SLC16A12: variants seen among roughly 807,000 people sequenced by gnomAD.
SLC16A12 encodes the protein solute carrier family 16 member 12.
SLC16A12 carries 17 observed loss-of-function variants against 42.4 expected under a neutral mutation model. The observed-to-expected ratio is 0.40, with a 90% CI of 0.27 to 0.60. The LOEUF (loss-of-function observed/expected upper bound fraction) is 0.60. SLC16A12 is among the 20% of genes least tolerant of loss of function. The pLI is 0.42. For missense variants in SLC16A12, 544 were observed against 623.0 expected, an observed-to-expected ratio of 0.87 and a Z score of 1.35; for synonymous variants, 224 against 229.4, an observed-to-expected ratio of 0.98 and a Z score of 0.21.
chr10:89,499,355 G>C (rs1842964069), intron 2 of SLC16A12, among the ~76,000 whole-genome samples: 1 of 152,174 alleles, frequency 6.6e-6, no homozygotes, highest in Admixed American at 6.5e-5. Flanking sequence ...AGGAGTTCAA[G>C]ACCAGCCTGA....
At chr10:89,478,949 T>C (rs1203232746) in intron 2 of SLC16A12, among the ~76,000 whole-genome samples, 2 of 152,238 alleles carry the variant, frequency 1.3e-5, no homozygotes, top group East Asian at 3.8e-4. Flanking sequence ...CCCTCCCATC[T>C]TAATTTTCCA....
At chr10:89,542,172 G>A (rs1843719259) in intron 2 of SLC16A12, among the ~76,000 whole-genome samples, 1 of 152,028 alleles carries the variant, frequency 6.6e-6, no homozygotes, top group African/African-American at 2.4e-5. Context: ...AAGATCACAG[G>A]TAGAAGACTA....
intron 3 of SLC16A12, among the ~76,000 whole-genome samples, chr10:89,460,482 T>G (rs187750136): frequency 6.6e-6 from 1 of 151,528 alleles, no homozygotes; most frequent in Non-Finnish European, 1.5e-5. Flanking sequence ...CCCAGCACTT[T>G]GGAGGCTGAG....
chr10:89,435,913 G>A (rs1389521121), intron 7 of SLC16A12, 147 bp downstream of exon 7: 1 of 1,130,848 alleles, frequency 8.8e-7, no homozygotes, highest in Non-Finnish European at 1.3e-6. Context: ...GGACCATGAT[G>A]GTTTTGGGGG....
At chr10:89,553,873 G>A (rs1395296843) in intron 2 of SLC16A12, among the ~76,000 whole-genome samples, 2 of 151,710 alleles carry the variant, frequency 1.3e-5, no homozygotes, top group East Asian at 1.9e-4. Context: ...GCAGGTGCCT[G>A]TAATCGCAGC....
Position 89,462,460 on chromosome 10 carries a change from G to A in SLC16A12, c.119C>T (p.Thr40Ile), listed in dbSNP as rs1482634395. The A allele has an allele frequency of 2.5e-6, 4 of 1,613,912 alleles. No individual in the cohort carries two copies. In the African/African-American group the frequency reaches 5.3e-5, roughly 22 times the overall value. ...GCCCCAGCCTCCATCTGGAGGGGAG[G>A]TAGACCGAGCTCTATTTACTTTTGC... ...TMAKVNRARSTSPPDGGWGWM... is the reference protein window; with the variant it reads ...TMAKVNRARSISPPDGGWGWM... Residue 40 changes from threonine (T) to isoleucine (I), a missense_variant, in exon 3 of 8, where the codon ACC (threonine) becomes ATC (isoleucine). Transcript: ENST00000371790.
intron 7 of SLC16A12, among the ~76,000 whole-genome samples, chr10:89,433,804 A>C (rs1163733146): frequency 6.6e-6 from 1 of 152,246 alleles, no homozygotes; most frequent in Non-Finnish European, 1.5e-5. Context: ...TACTCTATCC[A>C]GTTTGAAAAT....
intron 2 of SLC16A12, among the ~76,000 whole-genome samples, chr10:89,513,505 A>AT (rs1843196071): frequency 6.6e-6 from 1 of 152,234 alleles, no homozygotes; most frequent in South Asian, 2.1e-4. Context: ...AGAATATCAT[A>AT]TTTCCTCACC....
intron 2 of SLC16A12, among the ~76,000 whole-genome samples, chr10:89,523,858 A>G (rs1239194411): frequency 6.6e-6 from 1 of 152,212 alleles, no homozygotes; most frequent in Non-Finnish European, 1.5e-5. Context: ...TGGACCAGTG[A>G]AAAAGACCAA....
intron 3 of SLC16A12, among the ~76,000 whole-genome samples, chr10:89,460,677 G>A (rs1231168734): frequency 2.7e-5 from 4 of 150,528 alleles, no homozygotes; most frequent in South Asian, 2.1e-4. Context: ...TCTGGGAGGC[G>A]GAGGTTACAG....
At chr10:89,453,664 T>A (rs1564573599) in intron 3 of SLC16A12, among the ~76,000 whole-genome samples, 1 of 152,144 alleles carries the variant, frequency 6.6e-6, no homozygotes, top group Non-Finnish European at 1.5e-5. Context: ...GTGAGTACAC[T>A]CTATGATGTT....
intron 2 of SLC16A12, among the ~76,000 whole-genome samples, chr10:89,465,527 A>G (rs373682240): frequency 2.7e-4 from 41 of 152,318 alleles, no homozygotes; most frequent in African/African-American, 9.9e-4. Context: ...CTTCAGAATA[A>G]GTTTTTCCAA....
At chr10:89,467,440 A>G (rs1038052047) in intron 2 of SLC16A12, among the ~76,000 whole-genome samples, 1 of 152,378 alleles carries the variant, frequency 6.6e-6, no homozygotes, top group Admixed American at 6.5e-5. Flanking sequence ...ACAATAATAT[A>G]TAAAACAGAA....
upstream of SLC16A12, among the ~76,000 whole-genome samples, chr10:89,537,339 G>A (rs1181456387): frequency 6.6e-6 from 1 of 152,012 alleles, no homozygotes; most frequent in Non-Finnish European, 1.5e-5. Flanking sequence ...CACTGTGCAA[G>A]CCAGGGGTTT....
chr10:89,522,756 T>C (rs1700542461), intron 2 of SLC16A12, among the ~76,000 whole-genome samples: 1 of 152,218 alleles, frequency 6.6e-6, no homozygotes, highest in African/African-American at 2.4e-5. Context: ...ACTTAACCTC[T>C]CTGTACTTTA....
In SLC16A12 at chr10:89,518,931, T is replaced by C. The variant is rs1401911211; in HGVS notation, c.-47+15570A>G. 2.0e-5 allele frequency among the ~76,000 whole-genome samples: 3 copies of C among 152,288 alleles called. No homozygotes were observed. In the East Asian group the frequency reaches 5.8e-4, roughly 29 times the overall value. ...AAATGTACAGGCAGAAAACAAAATA[T>C]AAATACTCAATATATATTATATACT... On this transcript the variant is annotated intron_variant, in intron 2 of 7. Coordinates refer to ENST00000371790, the MANE Select transcript of SLC16A12 (RefSeq NM_213606.4).
chr10:89,439,208 G>C, intron 5 of SLC16A12, 25 bp from the exon 6 acceptor site: 2 of 1,601,398 alleles, frequency 1.2e-6, no homozygotes, highest in Non-Finnish European at 8.6e-7. Context: ...AACTCTATGA[G>C]TGCTGAAGTA....
chr10:89,454,867 A>G (rs1842160522), intron 3 of SLC16A12, among the ~76,000 whole-genome samples: 6 of 151,962 alleles, frequency 3.9e-5, no homozygotes, highest in Admixed American at 3.9e-4. Context: ...AGAAAAGACC[A>G]TGTCTGTCTT....
chr10:89,515,995 T>A (rs530322597), intron 2 of SLC16A12, among the ~76,000 whole-genome samples: 1 of 152,214 alleles, frequency 6.6e-6, no homozygotes, highest in South Asian at 2.1e-4. Flanking sequence ...ACAAACTAAC[T>A]CTACGTATAT....
Sources: allele counts gnomAD v4.1 joint callset (sites outside exome capture counted in the v4.1 genomes callset), GRCh38; gene constraint gnomAD v4.1.1; transcripts MANE v1.5; gene names NCBI Gene and HGNC (gene_info 2026-07-23, HGNC 2026-07-21).